ADGRL3: variants seen among roughly 807,000 people sequenced by gnomAD.
The protein encoded by ADGRL3 is calcium-independent alpha-latrotoxin receptor 3.
A neutral mutation model predicts 153.5 loss-of-function variants in ADGRL3; 62 were observed. The observed-to-expected ratio is 0.40, with a 90% CI of 0.33 to 0.50. The LOEUF is 0.50. Among genes scored for constraint, ADGRL3 ranks in the 20% least tolerant of loss-of-function variants. ADGRL3 has a pLI of 0.47. For synonymous variants in ADGRL3, 710 were observed against 672.5 expected (o/e 1.06, Z -0.86); for missense variants, 1,641 against 1,859.4 (o/e 0.88, Z 2.16).
intron 1 of ADGRL3, among the ~76,000 whole-genome samples, chr4:61,240,054 C>T (rs1336555578): frequency 6.6e-6 from 1 of 152,024 alleles, no homozygotes; most frequent in Non-Finnish European, 1.5e-5. Flanking sequence ...TAAAAATAAA[C>T]TTATTGCTCG....
intron 2 of ADGRL3, among the ~76,000 whole-genome samples, chr4:61,390,725 A>T (rs1354193653): frequency 1.3e-5 from 2 of 152,304 alleles, no homozygotes; most frequent in East Asian, 3.9e-4. Context: ...AAATTCTATG[A>T]AATGGAAAAC....
At chr4:61,312,844 A>G (rs1224393156) in intron 1 of ADGRL3, among the ~76,000 whole-genome samples, 2 of 152,186 alleles carry the variant, frequency 1.3e-5, no homozygotes, top group South Asian at 2.1e-4. Flanking sequence ...TACTCTTACC[A>G]TACTATTCAG....
At chr4:61,666,697 G>A (rs944918803) in intron 5 of ADGRL3, among the ~76,000 whole-genome samples, 3 of 152,074 alleles carry the variant, frequency 2.0e-5, no homozygotes, top group African/African-American at 7.2e-5. Context: ...TATATAAGGT[G>A]CGTATAACAT....
chr4:61,432,573 C>CTTTCTTTCTTTCTTT (rs1560622534), intron 2 of ADGRL3, among the ~76,000 whole-genome samples: 2 of 35,864 alleles, frequency 5.6e-5, no homozygotes, highest in African/African-American at 1.5e-4. Context: ...TCTTTCTCTT[C>CTTTCTTTCTTTCTTT]CTTTCTTTCT....
In ADGRL3 at chr4:61,587,392, A is replaced by C; in HGVS notation, c.425A>C (p.Glu142Ala). ...KICDSDPAQM[E>A]NIRCYLPDAY... is the part of the protein sequence containing the mutation. ...TGTGACTCTGACCCTGCTCAGATGG[A>C]GAATATCCGATGTTATCTGCCAGAT... Residue 142 changes from glutamate (E) to alanine (A), a missense_variant, in exon 5 of 27, where the codon GAG becomes GCG. Coordinates refer to ENST00000683033, the MANE Select transcript of ADGRL3 (RefSeq NM_001387552.1). The C allele has an allele frequency of 6.2e-7, 1 of 1,612,540 alleles. No individual in the cohort carries two copies. The highest frequency in any genetic ancestry group is 2.2e-5 in the East Asian group (1 of 44,786).
chr4:61,546,025 C>T (rs1339699447), intron 4 of ADGRL3, among the ~76,000 whole-genome samples: 2 of 152,188 alleles, frequency 1.3e-5, no homozygotes, highest in African/African-American at 4.8e-5. Context: ...AAATCATCAT[C>T]CTCATTCTTG....
At chr4:61,380,812 A>G (rs956877150) in intron 1 of ADGRL3, among the ~76,000 whole-genome samples, 3 of 152,020 alleles carry the variant, frequency 2.0e-5, no homozygotes, top group Non-Finnish European at 4.4e-5. Flanking sequence ...GCTCAAAACA[A>G]TATTTCTAGT....
rs542841402 is a variant in ADGRL3 at position 61,638,290 on chromosome 4, T to C, written c.474-38536T>C. Among the ~76,000 whole-genome samples the C allele has an allele frequency of 2.1e-3, 316 of 152,214 alleles. 1 individual carries two copies. Among genetic ancestry groups the C allele is most frequent in the Non-Finnish European group, 3.4e-3 (232 of 67,998 alleles). ...GTTGAATGAAAGAAGCCAGGAACCC[T>C]GAATTTAATACTGTATGATTTCTTG... On this transcript the variant is annotated intron_variant, in intron 5 of 26. Transcript: ENST00000683033.
chr4:61,330,260 A>C (rs949307231), intron 1 of ADGRL3, among the ~76,000 whole-genome samples: 2 of 152,148 alleles, frequency 1.3e-5, no homozygotes, highest in African/African-American at 4.8e-5. Context: ...GTTTGGGAGG[A>C]TGTCTCCAGA....
chr4:61,665,018 A>G (rs2094735979), intron 5 of ADGRL3, among the ~76,000 whole-genome samples: 1 of 152,208 alleles, frequency 6.6e-6, no homozygotes, highest in South Asian at 2.1e-4. Flanking sequence ...TATTTTAGGC[A>G]TAAATATGTT....
intron 6 of ADGRL3, among the ~76,000 whole-genome samples, chr4:61,678,619 A>C (rs2095264762): frequency 6.6e-6 from 1 of 151,970 alleles, no homozygotes; most frequent in African/African-American, 2.4e-5. Context: ...AGAGATTGGC[A>C]ATTTGGTTCC....
intron 6 of ADGRL3, among the ~76,000 whole-genome samples, chr4:61,700,549 C>T (rs1421807914): frequency 1.3e-5 from 2 of 152,066 alleles, no homozygotes; most frequent in African/African-American, 4.8e-5. Context: ...GCCAAGTAAT[C>T]CAACTGAGCT....
chr4:61,456,478 T>TATATATATAGATATATCTATATCC (rs2097756025), intron 2 of ADGRL3, among the ~76,000 whole-genome samples: 1 of 125,948 alleles, frequency 7.9e-6, no homozygotes, highest in Non-Finnish European at 1.7e-5. Context: ...TATCTATATC[T>TATATATATAGATATATCTATATCC]ATATATATAG....
intron 13 of ADGRL3, among the ~76,000 whole-genome samples, chr4:61,933,296 G>A (rs939595060): frequency 4.0e-5 from 6 of 151,314 alleles, no homozygotes; most frequent in Middle Eastern, 3.4e-3. Context: ...TATTTTTTTG[G>A]TTTCCTATCT....
chr4:61,933,509 GTTGT>G (rs1260658779), intron 13 of ADGRL3, among the ~76,000 whole-genome samples: 1 of 152,026 alleles, frequency 6.6e-6, no homozygotes, highest in Non-Finnish European at 1.5e-5. Context: ...ATTTGTTTGT[GTTGT>G]TTCTCTTTTA....
At chr4:61,621,538 T>C (rs1295663569) in intron 5 of ADGRL3, among the ~76,000 whole-genome samples, 2 of 152,192 alleles carry the variant, frequency 1.3e-5, no homozygotes, top group Admixed American at 1.3e-4. Context: ...AATGAATGTT[T>C]AGTGTTGGGA....
intron 2 of ADGRL3, among the ~76,000 whole-genome samples, chr4:61,403,258 G>T (rs997587980): frequency 6.6e-6 from 1 of 152,062 alleles, no homozygotes; most frequent in African/African-American, 2.4e-5. Context: ...ATTAATAGTG[G>T]CTGAAAGCTC....
At chr4:61,936,560 AC>A (rs1387579185) in intron 15 of ADGRL3, among the ~76,000 whole-genome samples, 26 of 152,250 alleles carry the variant, frequency 1.7e-4, no homozygotes, top group African/African-American at 6.3e-4. Context: ...AATTGAATAC[AC>A]TGAAAATAAT....
chr4:61,413,281 G>A (rs552559691), intron 2 of ADGRL3, among the ~76,000 whole-genome samples: 109 of 152,212 alleles, frequency 7.2e-4, no homozygotes, highest in African/African-American at 2.6e-3. Context: ...TGATACCCGG[G>A]GTCGGTGTGC....
Sources: allele counts gnomAD v4.1 joint callset (sites outside exome capture counted in the v4.1 genomes callset), GRCh38; gene constraint gnomAD v4.1.1; transcripts MANE v1.5; gene names NCBI Gene and HGNC (gene_info 2026-07-23, HGNC 2026-07-21).